Variants in TMEM161B observed in about 807,000 individuals in gnomAD.
The protein encoded by TMEM161B is transmembrane protein 161B.
A neutral mutation model predicts 61.8 loss-of-function variants in TMEM161B; 34 were observed. The observed-to-expected ratio is 0.55, with a 90% confidence interval of 0.42 to 0.73. The LOEUF is 0.73. TMEM161B is among the 30% of genes least tolerant of loss of function. The pLI is 0.00. For synonymous variants in TMEM161B, 167 were observed against 192.8 expected, an observed-to-expected ratio of 0.87 and a Z score of 1.11; for missense variants, 456 against 558.5, an observed-to-expected ratio of 0.82 and a Z score of 1.85.
intron 11 of TMEM161B, 27 bp from the exon 12 acceptor site, chr5:88,196,515 T>G (rs1486078979): frequency 6.5e-7 from 1 of 1,529,280 alleles, no homozygotes; most frequent in Non-Finnish European, 8.7e-7. Context: ...ACAAATACAA[T>G]TTGAAGAGTA....
chr5:88,203,750 CATATATATATATATATATATATAT>C lies in TMEM161B; in HGVS notation c.801-699_801-676del, dbSNP rs35091076. On this transcript the variant is annotated intron_variant, in intron 8 of 11. Transcript: ENST00000296595. ...AACACACTTGAAATAATTTCCCTAT[CATATATATATATATATATATATAT>C]ATATATATATATATATATATATATA... is the stretch of plus-strand genomic sequence containing the variant. Among the ~76,000 whole-genome samples the C allele has an allele frequency of 6.8e-3, 635 of 93,680 alleles. 10 individuals carry two copies. The highest frequency in any genetic ancestry group is 0.029 in the East Asian group (112 of 3,874). The allele number at this position is 93,680 out of a possible 152,430, so 61.5% of individuals were successfully genotyped here. A position where few individuals can be genotyped will look rare whatever the true frequency, so the allele number is the denominator to read the frequency against.
At chr5:88,231,345 C>T (rs945322787) in intron 2 of TMEM161B, among the ~76,000 whole-genome samples, 3 of 152,154 alleles carry the variant, frequency 2.0e-5, no homozygotes, top group Admixed American at 6.5e-5. Flanking sequence ...GAAGTGGTGA[C>T]AATCTTACGG....
At chr5:88,213,567 ACTAT>A (rs2067164) in intron 5 of TMEM161B, among the ~76,000 whole-genome samples, 78,397 of 151,530 alleles carry the variant, frequency 0.52, 22,861 homozygotes, top group East Asian at 0.77. Flanking sequence ...ACAAAAGAAA[ACTAT>A]CTTTTATTTT....
downstream of TMEM161B, among the ~76,000 whole-genome samples, chr5:88,186,476 T>C (rs938407794): frequency 2.6e-5 from 4 of 152,112 alleles, no homozygotes; most frequent in Non-Finnish European, 5.9e-5. Flanking sequence ...TTCAAATGTC[T>C]CACCCATTTC....
intron 2 of TMEM161B, among the ~76,000 whole-genome samples, chr5:88,231,019 T>C (rs570501341): frequency 2.6e-5 from 4 of 152,226 alleles, no homozygotes; most frequent in Admixed American, 1.3e-4. Flanking sequence ...TGTCCCTATA[T>C]AATGAAACTC....
chr5:88,259,142 C>T (rs1389841753), intron 1 of TMEM161B: 1 of 152,120 alleles, frequency 6.6e-6, no homozygotes, highest in Non-Finnish European at 1.5e-5. Context: ...CAATCCGAAC[C>T]TCTCTACTTC....
At chr5:88,211,934 TC>T (rs999910875) in intron 5 of TMEM161B, among the ~76,000 whole-genome samples, 3 of 152,182 alleles carry the variant, frequency 2.0e-5, no homozygotes, top group Admixed American at 6.5e-5. Flanking sequence ...ACTTGATGTT[TC>T]CAAATTAAAG....
chr5:88,207,325 A>C, intron 5 of TMEM161B, 145 bp from the exon 6 acceptor site: 7 of 735,864 alleles, frequency 9.5e-6, no homozygotes, highest in Non-Finnish European at 1.5e-5. Flanking sequence ...TAAGGAAAAG[A>C]GCACCCATAT....
intron 4 of TMEM161B, among the ~76,000 whole-genome samples, chr5:88,222,062 T>G (rs1024714412): frequency 2.0e-5 from 3 of 152,196 alleles, no homozygotes; most frequent in African/African-American, 7.2e-5. Flanking sequence ...ATTTTAACAT[T>G]CTTAATCTGC....
rs1394606834 is a variant in TMEM161B, at chr5:88,268,804, C to G, written c.-81G>C. On this transcript the variant is annotated 5_prime_UTR_variant, in exon 1 of 12. Transcript: ENST00000296595. ...ACCTCTTACCTCCCGGTCCTTGAGC[C>G]GAGAGACTCTCAAACAGCGAAAGAG... 6.2e-7 allele frequency: 1 copy of G among 1,608,044 alleles called. No homozygotes were observed. Among genetic ancestry groups the G allele is most frequent in the South Asian group, 1.1e-5 (1 of 90,646 alleles).
Position 88,199,104 on chromosome 5 carries a change from G to C in TMEM161B, c.961C>G (p.Leu321Val). 6.2e-7 allele frequency: 1 copy of C among 1,612,658 alleles called. No homozygotes were observed. The highest frequency in any genetic ancestry group is 8.5e-7 in the Non-Finnish European group (1 of 1,179,298). Residue 321 changes from leucine to valine, a missense_variant, in exon 10 of 12, where the codon CTG (leucine) becomes GTG (valine). Physicochemically the swap from Leu to Val is conservative, Grantham distance 32. Transcript: ENST00000296595. ...ATGGCCAACCGCAAAGCACACAGCA[G>C]GATTATTAACCAGAGTCGCAGAGTA... ...FDTLRLWLII[L>V]LCALRLAMMR...
At chr5:88,258,063 C>T (rs1201095671) in intron 1 of TMEM161B, among the ~76,000 whole-genome samples, 2 of 152,104 alleles carry the variant, frequency 1.3e-5, no homozygotes, top group East Asian at 1.9e-4. Flanking sequence ...AAGTGGGAAG[C>T]TCTCTATTAA....
At chr5:88,191,601 C>A (rs1748859862), downstream of TMEM161B, among the ~76,000 whole-genome samples, 1 of 152,106 alleles carries the variant, frequency 6.6e-6, no homozygotes, top group South Asian at 2.1e-4. Context: ...TGTAACCATT[C>A]CTAAAATCAA....
chr5:88,220,471 T>A, intron 5 of TMEM161B, 92 bp downstream of exon 5: 1 of 1,044,790 alleles, frequency 9.6e-7, no homozygotes, highest in Non-Finnish European at 1.3e-6. Context: ...AGAAAAGTTA[T>A]CTAATGACAT....
chr5:88,264,647 T>C (rs930212881), intron 1 of TMEM161B, among the ~76,000 whole-genome samples: 3 of 152,304 alleles, frequency 2.0e-5, no homozygotes, highest in South Asian at 2.1e-4. Flanking sequence ...CGTATGTTTA[T>C]TGCAGCACTA....
Position 88,235,044 on chromosome 5 carries a change from C to T in TMEM161B, c.107+5769G>A, listed in dbSNP as rs1415851780. Among the ~76,000 whole-genome samples, 8 of 152,154 alleles carry T rather than the reference C, an allele frequency of 5.3e-5. No individual in the cohort carries two copies. In the East Asian group the frequency reaches 1.3e-3, roughly 26 times the overall value. On this transcript the variant is annotated intron_variant, in intron 2 of 11. Transcript: ENST00000296595. ...ATAATAAAGCCAATCTGATACTGTACTCTACTAAATTAATTTCTCAATGAT... is the reference window on the plus strand; with the variant it reads ...ATAATAAAGCCAATCTGATACTGTATTCTACTAAATTAATTTCTCAATGAT...
At chr5:88,214,611 C>T (rs1747475199) in intron 5 of TMEM161B, among the ~76,000 whole-genome samples, 1 of 152,150 alleles carries the variant, frequency 6.6e-6, no homozygotes, top group Admixed American at 6.5e-5. Flanking sequence ...AGTACACACG[C>T]CTACAGCAAC....
intron 4 of TMEM161B, among the ~76,000 whole-genome samples, chr5:88,224,177 G>A (rs1028466470): frequency 7.2e-5 from 11 of 151,970 alleles, no homozygotes; most frequent in African/African-American, 2.7e-4. Flanking sequence ...TTAAAAACAC[G>A]CATCATTTCA....
Position 88,203,093 on chromosome 5 carries a change from A to G in TMEM161B, c.801-18T>C. ...GTAAAGTTCTGAAAGTACGTAAGAA[A>G]TAAATATAAAAATTCAGAAACAGCA... On this transcript the variant is annotated intron_variant, in intron 8 of 11. Transcript: ENST00000296595. The G allele has an allele frequency of 1.4e-6, 2 of 1,465,284 alleles. No homozygotes were observed. The highest frequency in any genetic ancestry group is 1.9e-6 in the Non-Finnish European group (2 of 1,048,958). The allele number at this position is 1,465,284 out of a possible 1,614,324, so 90.8% of individuals were successfully genotyped here. A position where few individuals can be genotyped will look rare whatever the true frequency, so the allele number is the denominator to read the frequency against.
Sources: gnomAD v4.1 joint callset for allele counts (sites outside exome capture counted in the v4.1 genomes callset) on GRCh38, gnomAD v4.1.1 for gene constraint, MANE v1.5 for transcripts, NCBI Gene and HGNC (gene_info 2026-07-23, HGNC 2026-07-21) for gene names.